The following SPG7 variants were observed in gnomAD, a reference collection of about 807,000 sequenced individuals.
The protein encoded by SPG7 is mitochondrial inner membrane m-AAA protease component paraplegin.
A neutral mutation model predicts 81.9 loss-of-function variants in SPG7; 103 were observed. The ratio of observed to expected loss-of-function variants is 1.26; its 90% CI spans 1.07 to 1.48. The LOEUF is 1.48. Ranked by LOEUF, SPG7 falls within the 40% of genes most tolerant of loss-of-function variation. SPG7 has a pLI of 0.00. For synonymous variants in SPG7, 534 were observed against 444.2 expected (o/e 1.20, Z -2.54); for missense variants, 1,241 against 1,087.3 (o/e 1.14, Z -1.99).
At position 89,548,089 on chromosome 16, in the gene SPG7, T is replaced by G. The variant is rs886052474; in HGVS notation, c.1639T>G (p.Tyr547Asp). The G allele has an allele frequency of 6.2e-7, 1 of 1,608,206 alleles. No homozygotes were observed. Among genetic ancestry groups the G allele is most frequent in the Non-Finnish European group, 8.5e-7 (1 of 1,179,750 alleles). ...HTSVHTLNFE[Y>D]AVERVLAGTA... ...TTCCGTGCACACTCTCAACTTCGAG[T>G]ACGCCGTGGAGCGCGTCCTCGCAGG... The change falls in exon 12 of 17, where the codon TAC (tyrosine) becomes GAC (aspartate). Residue 547 changes from tyrosine (Y) to aspartate (D), a missense_variant. Transcript: ENST00000645818.
intron 9 of SPG7, among the ~76,000 whole-genome samples, chr16:89,534,232 C>T (rs1221479700): frequency 6.6e-6 from 1 of 152,164 alleles, no homozygotes; most frequent in African/African-American, 2.4e-5. Context: ...GTTGTAGGGA[C>T]CTCATAGAAT....
rs145776296 is a variant in SPG7 at position 89,524,213 on chromosome 16, A to G, written c.584A>G (p.Tyr195Cys). The change falls in exon 4 of 17, where the codon TAC (tyrosine) becomes TGC (cysteine). Residue 195 changes from tyrosine to cysteine, a missense_variant. Physicochemically the swap from Tyr to Cys is radical, Grantham distance 194. Coordinates refer to ENST00000645818, the MANE Select transcript of SPG7 (RefSeq NM_003119.4). Reference sequence around the variant, plus strand: ...CCTGAGAGCGACGTGGTGGAAGTCTACCTGCACCCTGGAGCCGTGGTGTTT... The same window carrying G: ...CCTGAGAGCGACGTGGTGGAAGTCTGCCTGCACCCTGGAGCCGTGGTGTTT... ...VVPESDVVEV[Y>C]LHPGAVVFGR... 184 of 1,612,808 alleles carry G rather than the reference A, an allele frequency of 1.1e-4. No individual in the cohort carries two copies. Among genetic ancestry groups the G allele is most frequent in the Non-Finnish European group, 1.5e-4 (177 of 1,179,692 alleles).
Position 89,508,445 on chromosome 16 carries a change from G to C in SPG7, c.28G>C (p.Ala10Pro), listed in dbSNP as rs577872969. The C allele has an allele frequency of 6.7e-6, 10 of 1,502,348 alleles. No homozygotes were observed. In the African/African-American group the frequency reaches 1.2e-4, roughly 17 times the overall value. The allele number at this position is 1,502,348 out of a possible 1,614,324, so 93.1% of individuals were successfully genotyped here. Residue 10 changes from alanine (A) to proline (P), a missense_variant, in exon 1 of 17, where the codon GCC (alanine) becomes CCC (proline). Transcript: ENST00000645818. MAVLLLLLRALRRGPGPGPR... is the reference protein window; with the variant it reads MAVLLLLLRPLRRGPGPGPR... ...GGCCGTGCTGCTGCTGCTGCTCCGTGCCCTCCGCCGGGGTCCAGGCCCGGG... is the reference window on the plus strand; with the variant it reads ...GGCCGTGCTGCTGCTGCTGCTCCGTCCCCTCCGCCGGGGTCCAGGCCCGGG...
At chr16:89,520,340 G>C (rs866833507) in intron 3 of SPG7, 1 of 166,198 alleles carries the variant, frequency 6.0e-6, no homozygotes, top group Non-Finnish European at 1.3e-5. Flanking sequence ...GAGATGGGGG[G>C]TCTTGCAGGC....
At chr16:89,545,905 T>G in intron 10 of SPG7, 1 of 450,532 alleles carries the variant, frequency 2.2e-6, no homozygotes, top group Admixed American at 2.4e-5. Context: ...CAGGCTGGAG[T>G]GCAGTGCTGC....
chr16:89,553,844 AAGC>A lies in SPG7; in HGVS notation c.1990_1992del (p.Gln664del), dbSNP rs1597665063. 1 of 1,613,538 alleles carries A rather than the reference AAGC, an allele frequency of 6.2e-7. No homozygotes were observed. The highest frequency in any genetic ancestry group is 8.5e-7 in the Non-Finnish European group (1 of 1,180,026). On this transcript the variant is annotated inframe_deletion, in exon 15 of 17. Coordinates refer to ENST00000645818, the MANE Select transcript of SPG7 (RefSeq NM_003119.4). ...CACCCGCATCGCCTACTCCATGGTG[AAGC>A]AGTTTGGGATGGCACCTGGCATCGG...
At chr16:89,518,208 A>G (rs1451592271) in intron 3 of SPG7, 1 of 152,220 alleles carries the variant, frequency 6.6e-6, no homozygotes, top group Non-Finnish European at 1.5e-5. Context: ...TGTTCAGATG[A>G]AGATTCTTTT....
chr16:89,511,398 T>A (rs538239808), intron 2 of SPG7, among the ~76,000 whole-genome samples: 13 of 152,358 alleles, frequency 8.5e-5, no homozygotes, highest in Non-Finnish European at 1.5e-4. Context: ...CACCTCTCAC[T>A]TTTATTTCAC....
intron 4 of SPG7, among the ~76,000 whole-genome samples, chr16:89,525,455 A>G (rs557713335): frequency 2.1e-3 from 320 of 152,300 alleles, no homozygotes; most frequent in Non-Finnish European, 3.8e-3. Flanking sequence ...TGCCTTAAAG[A>G]GAAAATGCTC....
chr16:89,519,148 T>A (rs1406685318), intron 3 of SPG7: 1 of 151,378 alleles, frequency 6.6e-6, no homozygotes, highest in African/African-American at 2.4e-5. Context: ...CACACCCAGC[T>A]AATTTTGTTT....
intron 11 of SPG7, 117 bp from the exon 12 acceptor site, chr16:89,547,886 T>G (rs1157452640): frequency 7.4e-6 from 6 of 805,964 alleles, no homozygotes; most frequent in Non-Finnish European, 1.1e-5. Context: ...GTGCTGGGAT[T>G]ACAGGGGTGA....
intron 11 of SPG7, chr16:89,547,745 T>TGGGATTACAGGCGCTCACCACCACGCCCG (rs1203637245): frequency 4.5e-6 from 2 of 440,358 alleles, no homozygotes; most frequent in Non-Finnish European, 8.5e-6. Flanking sequence ...CCTGAGTAGC[T>TGGGATTACAGGCGCTCACCACCACGCCCG]GGGATTACAG....
chr16:89,525,849 T>TG (rs1394792320), intron 4 of SPG7, among the ~76,000 whole-genome samples: 3 of 152,272 alleles, frequency 2.0e-5, no homozygotes, highest in East Asian at 3.9e-4. Flanking sequence ...CGCCGGCCTC[T>TG]GGGGGGCTCC....
intron 9 of SPG7, chr16:89,537,248 G>A (rs904381751): frequency 1.9e-5 from 26 of 1,400,972 alleles, no homozygotes; most frequent in Non-Finnish European, 2.2e-5. Flanking sequence ...TGTTGGTTAC[G>A]TCAGCCGGTC....
chr16:89,549,051 T>C, intron 12 of SPG7: 1 of 456,376 alleles, frequency 2.2e-6, no homozygotes, highest in Middle Eastern at 3.3e-4. Context: ...TGCCAGACAC[T>C]GCAAAACACA....
chr16:89,530,480 T>C, intron 6 of SPG7: 1 of 653,016 alleles, frequency 1.5e-6, no homozygotes, highest in South Asian at 1.7e-5. Flanking sequence ...TAGATAAGTT[T>C]CTTACTAATT....
chr16:89,549,293 T>TA (rs1170569476), intron 12 of SPG7: 6 of 445,110 alleles, frequency 1.3e-5, no homozygotes, highest in East Asian at 7.0e-5. Context: ...AATGGACACT[T>TA]ACAGATGTGT....
In SPG7 at chr16:89,548,063, C is replaced by T; in HGVS notation, c.1613C>T (p.Thr538Ile). 1.2e-6 allele frequency: 2 copies of T among 1,610,986 alleles called. No homozygotes were observed. Among genetic ancestry groups the T allele is most frequent in the Non-Finnish European group, 1.7e-6 (2 of 1,179,994 alleles). Residue 538 changes from threonine (T) to isoleucine (I), a missense_variant, in exon 12 of 17, where the codon ACT (threonine) becomes ATT (isoleucine). Thr to Ile is a moderately conservative substitution (Grantham distance 89, BLOSUM62 -1). Coordinates refer to ENST00000645818, the MANE Select transcript of SPG7 (RefSeq NM_003119.4). ...AALHAAREGH[T>I]SVHTLNFEYA... The stretch of plus-strand genomic sequence containing the variant: ...CTGCACGCGGCGCGGGAGGGACACA[C>T]TTCCGTGCACACTCTCAACTTCGAG...
intron 1 of SPG7, among the ~76,000 whole-genome samples, chr16:89,510,082 C>T (rs892566872): frequency 3.3e-5 from 5 of 152,114 alleles, no homozygotes; most frequent in African/African-American, 9.7e-5. Flanking sequence ...TCAAGCGATT[C>T]TCCTGCCTCA....
Sources: gnomAD v4.1 joint callset for allele counts (sites outside exome capture counted in the v4.1 genomes callset) on GRCh38, gnomAD v4.1.1 for gene constraint, MANE v1.5 for transcripts, NCBI Gene and HGNC (gene_info 2026-07-23, HGNC 2026-07-21) for gene names.